Variants in GUCA1C observed in about 807,000 individuals in gnomAD.
GUCA1C encodes the protein guanylate cyclase activator 1C.
GUCA1C carries 15 observed loss-of-function variants against 16.2 expected under a neutral mutation model. That is an observed-to-expected ratio of 0.93 (90% CI 0.62 to 1.43). The LOEUF (loss-of-function observed/expected upper bound fraction) is 1.43, where lower values mean the gene tolerates loss of function less well. Among genes scored for constraint, GUCA1C ranks in the 40% most tolerant of loss-of-function variants. The pLI, the probability that GUCA1C is intolerant of heterozygous loss-of-function variation, is 0.00. For missense variants in GUCA1C, 275 were observed against 244.8 expected (o/e 1.12, Z -0.82); for synonymous variants, 78 against 85.4 (o/e 0.91, Z 0.48).
intron 1 of GUCA1C, among the ~76,000 whole-genome samples, chr3:108,926,063 G>A (rs965278102): frequency 6.6e-6 from 1 of 151,904 alleles, no homozygotes; most frequent in African/African-American, 2.4e-5. Context: ...CTCCAGCCTG[G>A]GTGACAGAGC....
intron 2 of GUCA1C, 28 bp from the exon 3 acceptor site, chr3:108,916,242 T>A: frequency 6.3e-7 from 1 of 1,597,090 alleles, no homozygotes; most frequent in East Asian, 2.2e-5. Context: ...ATGAAAGAGG[T>A]CAACTTTTCT....
At position 108,907,930 on chromosome 3, in the gene GUCA1C, C is replaced by A. The variant is rs1357807510; in HGVS notation, c.*92G>T. ...AAGCCTATATGAATTATAACAAAGA[C>A]CTGAAATCAACAGCATGTACATGGG... On this transcript the variant is annotated 3_prime_UTR_variant, in exon 4 of 4. Transcript: ENST00000261047. 1.1e-6 allele frequency: 1 copy of A among 878,396 alleles called. No individual in the cohort carries two copies. The highest frequency in any genetic ancestry group is 1.8e-6 in the Non-Finnish European group (1 of 566,834). The allele number at this position is 878,396 out of a possible 1,614,324, so 54.4% of individuals were successfully genotyped here. A position where few individuals can be genotyped will look rare whatever the true frequency, so the allele number is the denominator to read the frequency against.
At chr3:108,950,434 T>C (rs1437680544) in intron 1 of GUCA1C, among the ~76,000 whole-genome samples, 3 of 152,278 alleles carry the variant, frequency 2.0e-5, no homozygotes, top group East Asian at 3.9e-4. Context: ...CTGGTTCATA[T>C]GGTAGTTCTA....
chr3:108,950,375 C>T (rs550123355), intron 1 of GUCA1C, among the ~76,000 whole-genome samples: 2 of 152,280 alleles, frequency 1.3e-5, no homozygotes, highest in African/African-American at 4.8e-5. Flanking sequence ...GATAACCTTT[C>T]AACATACTGT....
intron 1 of GUCA1C, among the ~76,000 whole-genome samples, chr3:108,925,224 T>C (rs1946612611): frequency 6.6e-6 from 1 of 152,098 alleles, no homozygotes; most frequent in Non-Finnish European, 1.5e-5. Context: ...GTGACCTTAT[T>C]TGTGCTCTTT....
At chr3:108,909,373 G>C (rs569405385) in intron 3 of GUCA1C, among the ~76,000 whole-genome samples, 15 of 152,208 alleles carry the variant, frequency 9.9e-5, no homozygotes, top group Non-Finnish European at 1.8e-4. Context: ...ATAGGGAGTA[G>C]AGAAGATTGC....
At chr3:108,937,361 T>G (rs993540078) in intron 1 of GUCA1C, among the ~76,000 whole-genome samples, 1 of 152,286 alleles carries the variant, frequency 6.6e-6, no homozygotes, top group Non-Finnish European at 1.5e-5. Flanking sequence ...CCACCGTTGC[T>G]CCCTCTCTGT....
At chr3:108,953,013 A>G (rs759117896) in intron 1 of GUCA1C, among the ~76,000 whole-genome samples, 14 of 152,222 alleles carry the variant, frequency 9.2e-5, no homozygotes, top group Non-Finnish European at 1.3e-4. Flanking sequence ...GTCTGAATTT[A>G]AAACTGTTAA....
intron 1 of GUCA1C, among the ~76,000 whole-genome samples, chr3:108,934,808 C>CTTTTTTTTTTTTTT (rs71629371): frequency 3.6e-4 from 31 of 86,110 alleles, no homozygotes; most frequent in African/African-American, 1.1e-3. Context: ...TGTTCTTGAT[C>CTTTTTTTTTTTTTT]TTTTTTTTTT....
At chr3:108,909,570 T>G (rs1027024259) in intron 3 of GUCA1C, among the ~76,000 whole-genome samples, 1 of 152,176 alleles carries the variant, frequency 6.6e-6, no homozygotes, top group African/African-American at 2.4e-5. Flanking sequence ...GAAGTGGAAG[T>G]GGAGCTGGAG....
At chr3:108,922,244 C>G (rs973227620) in intron 1 of GUCA1C, among the ~76,000 whole-genome samples, 17 of 151,942 alleles carry the variant, frequency 1.1e-4, no homozygotes, top group Admixed American at 3.3e-4. Flanking sequence ...CATTGAATGA[C>G]AGGCATTTAA....
chr3:108,918,480 CAG>C (rs776311316), intron 2 of GUCA1C, among the ~76,000 whole-genome samples: 4 of 152,202 alleles, frequency 2.6e-5, no homozygotes, highest in Admixed American at 1.3e-4. Context: ...ACTCATGACT[CAG>C]ACACTCACTG....
intron 2 of GUCA1C, among the ~76,000 whole-genome samples, chr3:108,920,106 T>C (rs1379146092): frequency 1.3e-5 from 2 of 152,144 alleles, no homozygotes; most frequent in Non-Finnish European, 2.9e-5. Flanking sequence ...ATAAACCATC[T>C]CATAGTTTAG....
intron 1 of GUCA1C, among the ~76,000 whole-genome samples, chr3:108,933,348 A>C (rs77217798): frequency 0.035 from 5,237 of 150,940 alleles, 305 homozygotes; most frequent in African/African-American, 0.12. Context: ...TTTTAACCCC[A>C]ACATGTTTAT....
intron 3 of GUCA1C, among the ~76,000 whole-genome samples, chr3:108,909,313 G>C (rs1193081053): frequency 4.6e-5 from 7 of 152,140 alleles, no homozygotes; most frequent in Non-Finnish European, 1.0e-4. Context: ...CAGCAGTCAT[G>C]AGTAGGGCCC....
intron 1 of GUCA1C, among the ~76,000 whole-genome samples, chr3:108,926,734 C>T (rs1386516975): frequency 6.6e-6 from 1 of 151,640 alleles, no homozygotes; most frequent in East Asian, 1.9e-4. Context: ...CCTGCCTCTG[C>T]CTCCCAAAGT....
At chr3:108,936,887 T>C (rs1419460477) in intron 1 of GUCA1C, among the ~76,000 whole-genome samples, 1 of 152,148 alleles carries the variant, frequency 6.6e-6, no homozygotes, top group Non-Finnish European at 1.5e-5. Context: ...TCTAGGGCCC[T>C]CCCACACCTC....
At chr3:108,931,436 C>A (rs917083516) in intron 1 of GUCA1C, among the ~76,000 whole-genome samples, 3 of 152,210 alleles carry the variant, frequency 2.0e-5, no homozygotes, top group Non-Finnish European at 1.5e-5. Context: ...TTAATCAAAC[C>A]TTTCTACTTA....
intron 1 of GUCA1C, among the ~76,000 whole-genome samples, chr3:108,921,862 G>A (rs1306826745): frequency 6.6e-6 from 1 of 152,006 alleles, no homozygotes; most frequent in Non-Finnish European, 1.5e-5. Flanking sequence ...GGTGATTTCT[G>A]AGATTTTGGT....
Sources: gnomAD v4.1 joint callset for allele counts (sites outside exome capture counted in the v4.1 genomes callset) on GRCh38, gnomAD v4.1.1 for gene constraint, MANE v1.5 for transcripts, NCBI Gene and HGNC (gene_info 2026-07-23, HGNC 2026-07-21) for gene names.